The following MTNR1A variants were observed in gnomAD, a reference collection of about 807,000 sequenced individuals.
MTNR1A encodes the protein melatonin receptor type 1A.
In MTNR1A, 7 loss-of-function variants were observed where a neutral mutation model predicts 5.5. That is an observed-to-expected ratio of 1.28 (90% CI 0.73 to 2.40). The LOEUF is 2.40. Among genes scored for constraint, MTNR1A ranks in the 30% most tolerant of loss-of-function variants. MTNR1A has a pLI of 0.00. For synonymous variants in MTNR1A, 196 were observed against 202.7 expected (o/e 0.97, Z 0.28); for missense variants, 441 against 464.4 (o/e 0.95, Z 0.46).
chr4:186,534,186 C>A lies in MTNR1A; in HGVS notation c.556G>T (p.Ala186Ser), dbSNP rs772092531. ...AAAACCACCACGGCGATGGTGTAGGCGGAGCTGACGGACTGGGCGAAGGTG... is the reference window on the plus strand; with the variant it reads ...AAAACCACCACGGCGATGGTGTAGGAGGAGCTGACGGACTGGGCGAAGGTG... ...SCTFAQSVSS[A>S]YTIAVVVFHF... The change falls in exon 2 of 2, where the codon GCC becomes TCC. Residue 186 changes from alanine (A) to serine (S), a missense_variant. Physicochemically the swap from Ala to Ser is moderately conservative, Grantham distance 99. Coordinates refer to ENST00000307161, the MANE Select transcript of MTNR1A (RefSeq NM_005958.4). The A allele has an allele frequency of 6.2e-7, 1 of 1,613,576 alleles. No individual in the cohort carries two copies. The highest frequency in any genetic ancestry group is 1.7e-5 in the Admixed American group (1 of 59,998).
At chr4:186,538,764 G>T (rs1736936852) in intron 1 of MTNR1A, among the ~76,000 whole-genome samples, 1 of 152,204 alleles carries the variant, frequency 6.6e-6, no homozygotes, top group African/African-American at 2.4e-5. Flanking sequence ...TTTGGTTCTG[G>T]AAGTGGACCA....
intron 1 of MTNR1A, among the ~76,000 whole-genome samples, chr4:186,551,682 G>A (rs1321600400): frequency 6.6e-6 from 1 of 152,106 alleles, no homozygotes; most frequent in Admixed American, 6.6e-5. Context: ...TAGTATCCCT[G>A]TAAGAAAAGT....
chr4:186,538,087 C>A (rs1017686942), intron 1 of MTNR1A, among the ~76,000 whole-genome samples: 9 of 152,220 alleles, frequency 5.9e-5, no homozygotes, highest in African/African-American at 2.2e-4. Context: ...AGAACTAGTC[C>A]TGTGAGTCCC....
At position 186,534,462 on chromosome 4, in the gene MTNR1A, T is replaced by TC; in HGVS notation, c.279dup (p.Asn94GlufsTer131). 6.2e-7 allele frequency: 1 copy of TC among 1,614,142 alleles called. No homozygotes were observed. The highest frequency in any genetic ancestry group is 8.5e-7 in the Non-Finnish European group (1 of 1,180,030). On this transcript the variant is annotated frameshift_variant, in exon 2 of 2. Transcript: ENST00000307161. LOFTEE classifies it low-confidence loss of function (END_TRUNC). Reference sequence around the variant, plus strand: ...ACTTGGCAGTGCAGATAGCCCAGGTTCCACCCGTTGTTAAATATCGACATC... The same window carrying TC: ...ACTTGGCAGTGCAGATAGCCCAGGTTCCCACCCGTTGTTAAATATCGACATC...
rs570146193 is a variant in MTNR1A, at chr4:186,547,391, C to T, written c.184+7791G>A. 2.0e-5 allele frequency among the ~76,000 whole-genome samples: 3 copies of T among 150,566 alleles called. No homozygotes were observed. In the East Asian group the frequency reaches 5.9e-4, roughly 29 times the overall value. ...CACACTGTCCACACCACACCCTGTT[C>T]GTGGGACACACTGTCCTCACACCCT... On this transcript the variant is annotated intron_variant, in intron 1 of 1. Transcript: ENST00000307161.
At position 186,534,021 on chromosome 4, in the gene MTNR1A, A is replaced by C. The variant is rs752065361; in HGVS notation, c.721T>G (p.Phe241Val). ...ATGGCAAAAAGGACAAAAACCACAA[A>C]CATGGTGACAAAATTCCTGAAGTCC... is the stretch of plus-strand genomic sequence containing the variant. ...PQDFRNFVTM[F>V]VVFVLFAICW... Residue 241 changes from phenylalanine (F) to valine (V), a missense_variant, in exon 2 of 2, where the codon TTT becomes GTT. By Grantham distance (50) the Phe-to-Val change is conservative. Transcript: ENST00000307161. The C allele has an allele frequency of 7.4e-6, 12 of 1,614,108 alleles. No individual in the cohort carries two copies. The highest frequency in any genetic ancestry group is 3.3e-4 in the Middle Eastern group (2 of 6,062).
chr4:186,540,535 A>G lies in MTNR1A; in HGVS notation c.185-5978T>C, dbSNP rs112518817. 4.3e-4 allele frequency among the ~76,000 whole-genome samples: 65 copies of G among 152,354 alleles called. 3 individuals carry two copies. The Middle Eastern group carries it at 0.01, about 24-fold the overall frequency. Reference sequence around the variant, plus strand: ...CTCTCCTTTGCAGATACCGTTTTTTACTTCCTACTTGGCCTTGGTAGAGTC... The same window carrying G: ...CTCTCCTTTGCAGATACCGTTTTTTGCTTCCTACTTGGCCTTGGTAGAGTC... On this transcript the variant is annotated intron_variant, in intron 1 of 1. Coordinates refer to ENST00000307161, the MANE Select transcript of MTNR1A (RefSeq NM_005958.4).
intron 1 of MTNR1A, among the ~76,000 whole-genome samples, chr4:186,551,033 A>C (rs1737256635): frequency 6.6e-6 from 1 of 152,260 alleles, no homozygotes; most frequent in Non-Finnish European, 1.5e-5. Context: ...GTGGAAAGCA[A>C]CAGGAGGGAA....
intron 1 of MTNR1A, among the ~76,000 whole-genome samples, chr4:186,548,226 T>C (rs1170446711): frequency 6.6e-6 from 1 of 152,182 alleles, no homozygotes; most frequent in African/African-American, 2.4e-5. Flanking sequence ...TTAACTGCAC[T>C]AAATAATAAC....
Position 186,555,148 on chromosome 4 carries a change from A to AG in MTNR1A, c.184+33dup, listed in dbSNP as rs1560899905. The AG allele has an allele frequency of 6.4e-7, 1 of 1,572,900 alleles. No individual in the cohort carries two copies. The stretch of plus-strand genomic sequence containing the variant: ...GCCCGCGGAGAGGCGCTGCGTCCGG[A>AG]GCGCTGGCCCAGGGGAGGCGGCGCG... On this transcript the variant is annotated intron_variant, in intron 1 of 1. Coordinates refer to ENST00000307161, the MANE Select transcript of MTNR1A (RefSeq NM_005958.4). This position sits in a 1 kb window ranked among gnomAD's most constrained non-coding sequence, Gnocchi z 4.1.
At chr4:186,536,071 C>T (rs1015446935) in intron 1 of MTNR1A, among the ~76,000 whole-genome samples, 15 of 152,020 alleles carry the variant, frequency 9.9e-5, no homozygotes, top group East Asian at 1.9e-4. Flanking sequence ...AGTGGTTGGG[C>T]GCAGTGGCTC....
chr4:186,555,153 T>G lies in MTNR1A; in HGVS notation c.184+29A>C. The G allele has an allele frequency of 6.3e-7, 1 of 1,578,394 alleles. No individual in the cohort carries two copies. Among genetic ancestry groups the G allele is most frequent in the Non-Finnish European group, 8.6e-7 (1 of 1,162,386 alleles). ...CGGAGAGGCGCTGCGTCCGGAGCGC[T>G]GGCCCAGGGGAGGCGGCGCGGGCCC... On this transcript the variant is annotated intron_variant, in intron 1 of 1. Transcript: ENST00000307161. The surrounding 1 kb of genome is among the most constrained non-coding windows in gnomAD (Gnocchi z 4.1).
intron 1 of MTNR1A, among the ~76,000 whole-genome samples, chr4:186,541,190 A>T (rs564838868): frequency 6.6e-6 from 1 of 152,244 alleles, no homozygotes; most frequent in Admixed American, 6.5e-5. Flanking sequence ...TACTGACACT[A>T]CCTGAAATTG....
chr4:186,533,696 G>T lies in MTNR1A; in HGVS notation c.1046C>A (p.Ser349Tyr). ...CCGGAACGTGGTGCTTTTTTAAACG[G>T]AGTCCACCTTTACTACATTATTGTT... ...MTNNNVVKVD[S>Y]V Residue 349 changes from serine to tyrosine, a missense_variant, in exon 2 of 2, where the codon TCC (serine) becomes TAC (tyrosine). Coordinates refer to ENST00000307161, the MANE Select transcript of MTNR1A (RefSeq NM_005958.4). 6.2e-7 allele frequency: 1 copy of T among 1,614,062 alleles called. No individual in the cohort carries two copies. Among genetic ancestry groups the T allele is most frequent in the South Asian group, 1.1e-5 (1 of 91,072 alleles).
chr4:186,537,257 G>C (rs959719195), intron 1 of MTNR1A, among the ~76,000 whole-genome samples: 3 of 152,104 alleles, frequency 2.0e-5, no homozygotes, highest in Non-Finnish European at 2.9e-5. Context: ...GTGTGCCTGG[G>C]GGGTGTGTGG....
intron 1 of MTNR1A, among the ~76,000 whole-genome samples, chr4:186,545,312 A>G (rs1737117538): frequency 6.6e-6 from 1 of 152,106 alleles, no homozygotes; most frequent in African/African-American, 2.4e-5. Context: ...GTAGCTGCCC[A>G]CCGGCACTGC....
At chr4:186,547,136 C>A (rs113244499) in intron 1 of MTNR1A, among the ~76,000 whole-genome samples, 68 of 32,374 alleles carry the variant, frequency 2.1e-3, no homozygotes, top group Middle Eastern at 0.025. Flanking sequence ...CACCCTGTTC[C>A]TGGGACACAC....
rs533724160 is a variant in MTNR1A, at chr4:186,534,336, C to T, written c.406G>A (p.Asp136Asn). 4 of 1,614,096 alleles carry T rather than the reference C, an allele frequency of 2.5e-6. 1 individual carries two copies. The highest frequency in any genetic ancestry group is 2.2e-5 in the South Asian group (2 of 91,072). ...YCYICHSLKYDKLYSSKNSLC... is the reference protein window; with the variant it reads ...YCYICHSLKYNKLYSSKNSLC... ...GAGTTCTTGCTGCTGTACAGTTTGT[C>T]GTACTTGAGACTGTGGCAGATGTAG... Residue 136 changes from aspartate (D) to asparagine (N), a missense_variant, in exon 2 of 2, where the codon GAC becomes AAC. Coordinates refer to ENST00000307161, the MANE Select transcript of MTNR1A (RefSeq NM_005958.4).
At chr4:186,550,628 C>A (rs190168329) in intron 1 of MTNR1A, among the ~76,000 whole-genome samples, 2 of 152,228 alleles carry the variant, frequency 1.3e-5, no homozygotes, top group East Asian at 3.9e-4. Context: ...GAGGTCTAAT[C>A]TAGGACTATT....
Sources: gnomAD v4.1 joint callset for allele counts (sites outside exome capture counted in the v4.1 genomes callset) on GRCh38, gnomAD v4.1.1 for gene constraint, Gnocchi (gnomAD v3.1) non-coding constraint, MANE v1.5 for transcripts, NCBI Gene and HGNC (gene_info 2026-07-23, HGNC 2026-07-21) for gene names.